The following LPP variants were observed in gnomAD, a reference collection of about 807,000 sequenced individuals.
The protein encoded by LPP is lipoma-preferred partner.
Under a neutral mutation model 60.4 loss-of-function variants are expected in LPP, and 38 were observed. That is an observed-to-expected ratio of 0.63 (90% CI 0.49 to 0.83). The LOEUF is 0.83. Ranked by LOEUF, LPP falls within the 40% of genes least tolerant of loss-of-function variation. The pLI is 0.00. For synonymous variants in LPP, 328 were observed against 290.8 expected (o/e 1.13, Z -1.30); for missense variants, 902 against 783.6 (o/e 1.15, Z -1.80).
chr3:188,236,535 A>G (rs1457945744), intron 2 of LPP, among the ~76,000 whole-genome samples: 3 of 152,210 alleles, frequency 2.0e-5, no homozygotes, highest in East Asian at 3.8e-4. Context: ...TGCAACAACC[A>G]GTAAGACATA....
chr3:188,848,964 C>CAA (rs58073326), intron 9 of LPP, among the ~76,000 whole-genome samples: 83 of 119,550 alleles, frequency 6.9e-4, no homozygotes, highest in East Asian at 2.5e-3. Context: ...GACTCTGTCT[C>CAA]AAAAAAAAAA....
At chr3:188,417,867 A>G (rs1299914619) in intron 4 of LPP, among the ~76,000 whole-genome samples, 4 of 152,180 alleles carry the variant, frequency 2.6e-5, no homozygotes, top group African/African-American at 9.6e-5. Context: ...TACCTAGTCA[A>G]ACACACACGC....
At chr3:188,371,107 T>C (rs1251839965) in intron 3 of LPP, among the ~76,000 whole-genome samples, 2 of 152,118 alleles carry the variant, frequency 1.3e-5, no homozygotes, top group African/African-American at 4.8e-5. Context: ...GCCTTCCTTC[T>C]CTGTATGGTG....
At position 188,888,545 on chromosome 3, in the gene LPP, T is replaced by C; in HGVS notation, c.*14066T>C. On this transcript the variant is annotated 3_prime_UTR_variant, in exon 12 of 12. Coordinates refer to ENST00000617246, the MANE Select transcript of LPP (RefSeq NM_001375462.1). Reference sequence around the variant, plus strand: ...CAAATCTGTGATCTTCTGTTCAGCATACACATCAGCAAAGTGAGAAGATGA... The same window carrying C: ...CAAATCTGTGATCTTCTGTTCAGCACACACATCAGCAAAGTGAGAAGATGA... The C allele has an allele frequency of 4.4e-6, 1 of 227,560 alleles. No individual in the cohort carries two copies. The allele number at this position is 227,560 out of a possible 1,614,324, so 14.1% of individuals were successfully genotyped here. A position where few individuals can be genotyped will look rare whatever the true frequency, so the allele number is the denominator to read the frequency against.
chr3:188,397,108 T>A (rs1331843202), intron 3 of LPP, among the ~76,000 whole-genome samples: 9 of 152,224 alleles, frequency 5.9e-5, no homozygotes, highest in Non-Finnish European at 1.2e-4. Flanking sequence ...TTCTGTGCCC[T>A]ATTCCATTGC....
intron 2 of LPP, among the ~76,000 whole-genome samples, chr3:188,298,918 CT>C (rs899394952): frequency 2.6e-5 from 4 of 152,184 alleles, no homozygotes; most frequent in Non-Finnish European, 5.9e-5. Context: ...AGTCATGAGG[CT>C]CCATCTTATT....
intron 1 of LPP, among the ~76,000 whole-genome samples, chr3:188,203,573 A>G (rs1194201340): frequency 1.1e-4 from 11 of 100,748 alleles, no homozygotes; most frequent in Non-Finnish European, 1.8e-4. Context: ...ATAAATATAT[A>G]TTTAAATATA....
intron 2 of LPP, among the ~76,000 whole-genome samples, chr3:188,248,271 T>G (rs572831837): frequency 1.3e-5 from 2 of 151,898 alleles, no homozygotes; most frequent in African/African-American, 4.8e-5. Flanking sequence ...GGTTAGCGTT[T>G]TTTTGCATTG....
intron 9 of LPP, among the ~76,000 whole-genome samples, chr3:188,825,853 A>G (rs923151268): frequency 1.3e-5 from 2 of 152,274 alleles, no homozygotes; most frequent in South Asian, 2.1e-4. Flanking sequence ...TGACTGAGGC[A>G]CAGAGATGTC....
At chr3:188,741,174 GAA>G (rs564780962) in intron 8 of LPP, among the ~76,000 whole-genome samples, 1 of 139,996 alleles carries the variant, frequency 7.1e-6, no homozygotes, top group Non-Finnish European at 1.6e-5. Context: ...TGAAATTTAT[GAA>G]AAAAAAAAAA....
At chr3:188,602,857 T>C (rs1841671771) in intron 6 of LPP, among the ~76,000 whole-genome samples, 1 of 151,758 alleles carries the variant, frequency 6.6e-6, no homozygotes, top group African/African-American at 2.4e-5. Flanking sequence ...AAGCTGGCAC[T>C]TTTTTTCTCG....
At chr3:188,214,372 C>G (rs1348926300) in intron 1 of LPP, among the ~76,000 whole-genome samples, 1 of 152,186 alleles carries the variant, frequency 6.6e-6, no homozygotes, top group Non-Finnish European at 1.5e-5. Context: ...CTCAGGTGAT[C>G]TGCCTGCCTT....
chr3:188,359,055 C>A (rs1768451957), intron 3 of LPP, among the ~76,000 whole-genome samples: 1 of 152,140 alleles, frequency 6.6e-6, no homozygotes, highest in South Asian at 2.1e-4. Context: ...GAGCAAACCC[C>A]TGTTAACATC....
intron 5 of LPP, among the ~76,000 whole-genome samples, chr3:188,514,709 T>C (rs1179800342): frequency 6.6e-6 from 1 of 152,202 alleles, no homozygotes; most frequent in Non-Finnish European, 1.5e-5. Flanking sequence ...CCCAAGGTGT[T>C]GGGATTACAT....
intron 2 of LPP, among the ~76,000 whole-genome samples, chr3:188,237,852 A>C (rs1246761287): frequency 1.3e-5 from 2 of 152,178 alleles, no homozygotes; most frequent in African/African-American, 4.8e-5. Flanking sequence ...CTTCAACTTA[A>C]AGTCACCAGC....
At chr3:188,370,832 A>G (rs1323460959) in intron 3 of LPP, among the ~76,000 whole-genome samples, 5 of 152,140 alleles carry the variant, frequency 3.3e-5, no homozygotes, top group African/African-American at 1.2e-4. Flanking sequence ...TCTACATGGC[A>G]TATGGACCCT....
intron 3 of LPP, among the ~76,000 whole-genome samples, chr3:188,374,271 G>T (rs1209195581): frequency 2.0e-5 from 3 of 151,984 alleles, no homozygotes; most frequent in South Asian, 4.1e-4. Context: ...TGATGGGGAT[G>T]GCATTGAATC....
At chr3:188,679,519 CTGTGT>C (rs1858933570) in intron 7 of LPP, among the ~76,000 whole-genome samples, 2 of 143,204 alleles carry the variant, frequency 1.4e-5, no homozygotes, top group South Asian at 2.3e-4. Flanking sequence ...TTTGAATACT[CTGTGT>C]GTGTGTGTGT....
At chr3:188,722,516 CAT>C (rs1716839688) in intron 8 of LPP, among the ~76,000 whole-genome samples, 1 of 152,162 alleles carries the variant, frequency 6.6e-6, no homozygotes, top group African/African-American at 2.4e-5. Context: ...ACGTTAGTGA[CAT>C]GTGACATTTG....
Sources: gnomAD v4.1 joint callset for allele counts (sites outside exome capture counted in the v4.1 genomes callset) on GRCh38, gnomAD v4.1.1 for gene constraint, MANE v1.5 for transcripts, NCBI Gene and HGNC (gene_info 2026-07-23, HGNC 2026-07-21) for gene names.